Variants in CACNA1S observed in about 807,000 individuals in gnomAD.
CACNA1S encodes the protein calcium voltage-gated channel subunit alpha1 S.
CACNA1S carries 126 observed loss-of-function variants against 207.4 expected under a neutral mutation model. The observed-to-expected ratio is 0.61, with a 90% confidence interval of 0.53 to 0.70. CACNA1S has a LOEUF of 0.70. CACNA1S is among the 30% of genes least tolerant of loss of function. The pLI is 0.00. For missense variants in CACNA1S, 2,349 were observed against 2,422.8 expected, an observed-to-expected ratio of 0.97 and a Z score of 0.64; for synonymous variants, 960 against 932.7, an observed-to-expected ratio of 1.03 and a Z score of -0.53.
chr1:201,060,100 G>A (rs1660988828), intron 26 of CACNA1S, among the ~76,000 whole-genome samples: 1 of 152,202 alleles, frequency 6.6e-6, no homozygotes, highest in African/African-American at 2.4e-5. Flanking sequence ...CCATGACCTA[G>A]CAGTGTGTGT....
intron 2 of CACNA1S, among the ~76,000 whole-genome samples, chr1:201,095,173 C>CACGT (rs1188771273): frequency 6.6e-6 from 1 of 150,722 alleles, no homozygotes; most frequent in Non-Finnish European, 1.5e-5. Flanking sequence ...TATATATACA[C>CACGT]ACATACATAT....
At chr1:201,082,897 A>C (rs1661888269) in intron 10 of CACNA1S, among the ~76,000 whole-genome samples, 1 of 152,174 alleles carries the variant, frequency 6.6e-6, no homozygotes, top group African/African-American at 2.4e-5. Flanking sequence ...GTCCCAGCCT[A>C]TTGCTTTTAC....
At chr1:201,080,214 A>G (rs1311295965) in intron 10 of CACNA1S, among the ~76,000 whole-genome samples, 1 of 152,132 alleles carries the variant, frequency 6.6e-6, no homozygotes, top group African/African-American at 2.4e-5. Flanking sequence ...TGACATATCC[A>G]TTGGGATGTC....
rs369260460 is a variant in CACNA1S at position 201,075,834 on chromosome 1, G to A, written c.1828-219C>T. Among the ~76,000 whole-genome samples, 9 of 152,272 alleles carry A rather than the reference G, an allele frequency of 5.9e-5. No individual in the cohort carries two copies. The East Asian group carries it at 7.7e-4, about 13-fold the overall frequency. On this transcript the variant is annotated intron_variant, in intron 12 of 43. Transcript: ENST00000362061. ...CTGTTACTTATCACTTTGGGAGGCC[G>A]AGATGGGTGGATCATTCGAGGTCAG...
intron 24 of CACNA1S, 54 bp from the exon 25 acceptor site, chr1:201,061,522 G>A: frequency 1.9e-6 from 3 of 1,542,706 alleles, no homozygotes; most frequent in Non-Finnish European, 2.7e-6. Context: ...AAGGCAGAGA[G>A]TCAGGCTGGG....
chr1:201,095,305 C>CA (rs1662383851), intron 2 of CACNA1S, among the ~76,000 whole-genome samples: 2 of 152,168 alleles, frequency 1.3e-5, no homozygotes, highest in South Asian at 4.1e-4. Flanking sequence ...GCAACACTCA[C>CA]ACCCATGGAA....
At position 201,087,898 on chromosome 1, in the gene CACNA1S, C is replaced by A. The variant is rs771016044; in HGVS notation, c.932G>T (p.Trp311Leu). ...VNDAIGNEWPWIYFVTLILLG... is the reference protein window; with the variant it reads ...VNDAIGNEWPLIYFVTLILLG... ...CAAAATGAGGGTGACAAAATAGATCCAGGGCCACTCATTCCCGATGGCATC... is the reference window on the plus strand; with the variant it reads ...CAAAATGAGGGTGACAAAATAGATCAAGGGCCACTCATTCCCGATGGCATC... The change falls in exon 7 of 44, where the codon TGG becomes TTG. Residue 311 changes from tryptophan to leucine, a missense_variant. Trp to Leu is a moderately conservative substitution (Grantham distance 61). Transcript: ENST00000362061. 1.9e-6 allele frequency: 3 copies of A among 1,613,594 alleles called. No homozygotes were observed. Among genetic ancestry groups the A allele is most frequent in the Non-Finnish European group, 2.5e-6 (3 of 1,179,652 alleles).
chr1:201,091,013 C>T (rs1662208622), intron 5 of CACNA1S, among the ~76,000 whole-genome samples: 1 of 152,172 alleles, frequency 6.6e-6, no homozygotes, highest in Admixed American at 6.5e-5. Flanking sequence ...ACATGTTCCT[C>T]GGTTTTCATT....
chr1:201,080,487 T>C (rs574180739), intron 10 of CACNA1S, among the ~76,000 whole-genome samples: 15 of 152,342 alleles, frequency 9.8e-5, no homozygotes, highest in Admixed American at 8.5e-4. Context: ...TTGGTTGAGA[T>C]GAATGAATGA....
chr1:201,060,898 C>G (rs1661024719), intron 25 of CACNA1S, 82 bp from the exon 26 acceptor site: 2 of 1,553,356 alleles, frequency 1.3e-6, no homozygotes. Context: ...GATTGACGGG[C>G]AAGTCAGGAG....
At chr1:201,085,630 T>G (rs1362593309) in intron 7 of CACNA1S, 49 bp from the exon 8 acceptor site, 2 of 1,606,470 alleles carry the variant, frequency 1.2e-6, no homozygotes, top group Non-Finnish European at 1.7e-6. Flanking sequence ...GGGAACAGTG[T>G]CAAGGAAAGA....
Position 201,039,524 on chromosome 1 carries a change from C to T in CACNA1S, c.*307G>A. On this transcript the variant is annotated 3_prime_UTR_variant, in exon 44 of 44. Coordinates refer to ENST00000362061, the MANE Select transcript of CACNA1S (RefSeq NM_000069.3). ...AAGCAGAGGCCAGTTGCCAGTGTCA[C>T]AGGCCTGGAGATTTTAATGTCCTGC... 2 of 481,856 alleles carry T rather than the reference C, an allele frequency of 4.2e-6. No homozygotes were observed. The highest frequency in any genetic ancestry group is 1.9e-5 in the African/African-American group (1 of 51,556). The allele number at this position is 481,856 out of a possible 1,614,324, so 29.8% of individuals were successfully genotyped here. A position where few individuals can be genotyped will look rare whatever the true frequency, so the allele number is the denominator to read the frequency against.
chr1:201,052,536 G>C (rs770145473), intron 32 of CACNA1S, 21 bp downstream of exon 32: 1 of 1,582,824 alleles, frequency 6.3e-7, no homozygotes, highest in Non-Finnish European at 8.7e-7. Context: ...GGTAGGGGTG[G>C]GGGTGGCGGG....
intron 22 of CACNA1S, 136 bp from the exon 23 acceptor site, chr1:201,062,650 T>G: frequency 7.8e-6 from 6 of 770,044 alleles, no homozygotes; most frequent in Non-Finnish European, 1.3e-5. Context: ...AGCCCATCTC[T>G]TCCTCTCAGA....
chr1:201,072,667 A>G, intron 16 of CACNA1S, 88 bp downstream of exon 16: 1 of 949,234 alleles, frequency 1.1e-6, no homozygotes, highest in Non-Finnish European at 1.7e-6. Context: ...AGGGACACAC[A>G]AGAGACTGCC....
At chr1:201,093,267 G>T (rs765829286) in intron 3 of CACNA1S, among the ~76,000 whole-genome samples, 3 of 152,152 alleles carry the variant, frequency 2.0e-5, no homozygotes, top group Non-Finnish European at 2.9e-5. Flanking sequence ...CAATTTGACT[G>T]GTGTCCTTAT....
At position 201,085,523 on chromosome 1, in the gene CACNA1S, C is replaced by T; in HGVS notation, c.1063G>A (p.Glu355Lys). The T allele has an allele frequency of 1.2e-6, 2 of 1,613,404 alleles. No individual in the cohort carries two copies. Among genetic ancestry groups the T allele is most frequent in the Non-Finnish European group, 1.7e-6 (2 of 1,179,930 alleles). The change falls in exon 8 of 44, where the codon GAG (glutamate) becomes AAG (lysine). Residue 355 changes from glutamate to lysine, a missense_variant. Transcript: ENST00000362061. ...KSRGTFQKLREKQQLDEDLRG... is the reference protein window; with the variant it reads ...KSRGTFQKLRKKQQLDEDLRG... The stretch of plus-strand genomic sequence containing the variant: ...AGGTCCTCATCTAGTTGCTGCTTCT[C>T]CCGGAGCTTCTGGAAGGTTCCCCTG...
At chr1:201,058,252 T>C (rs1660918344) in intron 28 of CACNA1S, among the ~76,000 whole-genome samples, 156 bp downstream of exon 28, 2 of 152,230 alleles carry the variant, frequency 1.3e-5, no homozygotes, top group South Asian at 4.1e-4. Flanking sequence ...AGCAGGATGA[T>C]AGTTCCTTGA....
rs2102549285 is a variant in CACNA1S at position 201,044,388 on chromosome 1, A to G, written c.4737T>C (p.Ala1579=). 1.2e-6 allele frequency: 2 copies of G among 1,613,300 alleles called. No individual in the cohort carries two copies. Among genetic ancestry groups the G allele is most frequent in the South Asian group, 2.2e-5 (2 of 91,022 alleles). Residue 1579 remains alanine (A), a synonymous_variant, in exon 39 of 44, where the codon GCT becomes GCC. Transcript: ENST00000362061. ...EICRTVSGDL[A]AEEELERAMV... ...TGGCTCTCTCCAGCTCCTCCTCAGC[A>G]GCCAGGTCTCCTGAGACCGTGCGAC... is the stretch of plus-strand genomic sequence containing the variant.
Sources: gnomAD v4.1 joint callset for allele counts (sites outside exome capture counted in the v4.1 genomes callset) on GRCh38, gnomAD v4.1.1 for gene constraint, MANE v1.5 for transcripts, NCBI Gene and HGNC (gene_info 2026-07-23, HGNC 2026-07-21) for gene names.